ENTREP2: variants seen among roughly 807,000 people sequenced by gnomAD.
ENTREP2 encodes the protein endosomal transmembrane epsin interactor 2.
chr15:29,521,127 G>A, the ENTREP2 span, among the ~76,000 whole-genome samples: 2 of 152,102 alleles, frequency 1.3e-5, no homozygotes, highest in Admixed American at 1.3e-4. Flanking sequence ...GTAAAGGATG[G>A]GATGCTGCTA....
chr15:29,390,995 C>A, the ENTREP2 span, among the ~76,000 whole-genome samples: 6 of 152,250 alleles, frequency 3.9e-5, no homozygotes, highest in East Asian at 1.2e-3. Flanking sequence ...ACCAACCCCC[C>A]ATCTTCCAAA....
the ENTREP2 span, among the ~76,000 whole-genome samples, chr15:29,309,354 A>G: frequency 2.0e-5 from 3 of 152,210 alleles, no homozygotes; most frequent in Non-Finnish European, 2.9e-5. Context: ...TCCATGACAC[A>G]AAATCACCTC....
chr15:29,545,015 G>A, the ENTREP2 span, among the ~76,000 whole-genome samples: 1 of 152,274 alleles, frequency 6.6e-6, no homozygotes, highest in Non-Finnish European at 1.5e-5. Context: ...ATACAACTGA[G>A]ACTGCACACT....
chr15:29,450,849 G>C, the ENTREP2 span, among the ~76,000 whole-genome samples: 1 of 152,126 alleles, frequency 6.6e-6, no homozygotes, highest in African/African-American at 2.4e-5. Flanking sequence ...ATTAATGCAG[G>C]AACAGAAAAC....
the ENTREP2 span, among the ~76,000 whole-genome samples, chr15:29,119,599 TA>T: frequency 1.3e-3 from 36 of 27,734 alleles, 13 homozygotes; most frequent in Non-Finnish European, 2.2e-3. Context: ...TAGAGTATAA[TA>T]AAAAAAAAAT....
chr15:29,300,372 T>A, the ENTREP2 span, among the ~76,000 whole-genome samples: 1 of 138,600 alleles, frequency 7.2e-6, no homozygotes, highest in Admixed American at 7.1e-5. Flanking sequence ...AATGCATGGA[T>A]GGATGGATGG....
At chr15:29,558,458 C>T in the ENTREP2 span, among the ~76,000 whole-genome samples, 8 of 151,590 alleles carry the variant, frequency 5.3e-5, no homozygotes, top group Non-Finnish European at 1.5e-5. Flanking sequence ...TACATGCCCG[C>T]CCTCTTCACG....
At chr15:29,511,724 C>A in the ENTREP2 span, among the ~76,000 whole-genome samples, 1 of 150,940 alleles carries the variant, frequency 6.6e-6, no homozygotes, top group Non-Finnish European at 1.5e-5. Flanking sequence ...CACTTCTGCA[C>A]CATTGGTTTC....
At chr15:29,155,172 C>G in the ENTREP2 span, among the ~76,000 whole-genome samples, 1 of 151,896 alleles carries the variant, frequency 6.6e-6, no homozygotes, top group East Asian at 1.9e-4. Context: ...GTCCCAGCTA[C>G]TTGGGAGGCT....
At chr15:29,326,090 C>G in the ENTREP2 span, among the ~76,000 whole-genome samples, 11 of 152,186 alleles carry the variant, frequency 7.2e-5, no homozygotes, top group South Asian at 1.7e-3. Context: ...TCTTCCTCAA[C>G]TTGATAAAAA....
the ENTREP2 span, among the ~76,000 whole-genome samples, chr15:29,211,000 T>C: frequency 8.5e-5 from 13 of 152,140 alleles, no homozygotes; most frequent in Admixed American, 8.5e-4. Flanking sequence ...AATCCATGGG[T>C]ATGAACTGTG....
chr15:29,651,974 G>A, the ENTREP2 span, among the ~76,000 whole-genome samples: 1 of 152,166 alleles, frequency 6.6e-6, no homozygotes, highest in African/African-American at 2.4e-5. Flanking sequence ...GGGCCAGGCC[G>A]CCAGTCCTGT....
At chr15:29,571,859 G>T in the ENTREP2 span, among the ~76,000 whole-genome samples, 1 of 151,690 alleles carries the variant, frequency 6.6e-6, no homozygotes, top group South Asian at 2.1e-4. Flanking sequence ...TGCATTGACA[G>T]ATTAAGAGAT....
the ENTREP2 span, among the ~76,000 whole-genome samples, chr15:29,226,404 C>T: frequency 6.6e-6 from 1 of 152,132 alleles, no homozygotes; most frequent in Admixed American, 6.6e-5. Flanking sequence ...GAATGATGTT[C>T]CTACAAACGG....
At chr15:29,279,951 A>G in the ENTREP2 span, among the ~76,000 whole-genome samples, 1 of 152,034 alleles carries the variant, frequency 6.6e-6, no homozygotes, top group Admixed American at 6.6e-5. Flanking sequence ...AAAAAAAAAA[A>G]TGAGGTATTG....
chr15:29,302,666 C>G, the ENTREP2 span, among the ~76,000 whole-genome samples: 1 of 152,022 alleles, frequency 6.6e-6, no homozygotes, highest in Non-Finnish European at 1.5e-5. Context: ...ACCATTTAAA[C>G]TCATTTCATA....
At chr15:29,162,170 G>A in the ENTREP2 span, among the ~76,000 whole-genome samples, 1 of 152,138 alleles carries the variant, frequency 6.6e-6, no homozygotes, top group Non-Finnish European at 1.5e-5. Flanking sequence ...GAGCTCCCTG[G>A]GTCCCCAAGC....
the ENTREP2 span, among the ~76,000 whole-genome samples, chr15:29,211,462 T>A: frequency 6.6e-6 from 1 of 152,376 alleles, no homozygotes; most frequent in African/African-American, 2.4e-5. Context: ...TTTCAGAATA[T>A]GGGAAATTAC....
the ENTREP2 span, chr15:29,234,343 A>G: frequency 1.9e-6 from 3 of 1,594,126 alleles, no homozygotes; most frequent in South Asian, 2.2e-5. Flanking sequence ...GAATCTCTTG[A>G]CCATCTTCAC....
Sources: gnomAD v4.1 joint callset for allele counts (sites outside exome capture counted in the v4.1 genomes callset) on GRCh38, gnomAD v4.1.1 for gene constraint, MANE v1.5 for transcripts, NCBI Gene and HGNC (gene_info 2026-07-23, HGNC 2026-07-21) for gene names.